The following HYDIN variants were observed in gnomAD, a reference collection of about 807,000 sequenced individuals.
The protein encoded by HYDIN is axonemal central pair apparatus protein HYDIN.
Under a neutral mutation model 403.9 loss-of-function variants are expected in HYDIN, and 132 were observed. The observed-to-expected ratio is 0.33, with a 90% CI of 0.28 to 0.38. The LOEUF is 0.38. Among genes scored for constraint, HYDIN ranks in the 10% least tolerant of loss-of-function variants. The pLI is 1.00. For synonymous variants in HYDIN, 1,202 were observed against 1,891.7 expected (o/e 0.64, Z 9.46); for missense variants, 2,827 against 5,009.5 (o/e 0.56, Z 13.15).
intron 1 of HYDIN, among the ~76,000 whole-genome samples, chr16:71,225,500 A>G (rs551995939): frequency 6.6e-6 from 1 of 152,348 alleles, no homozygotes; most frequent in African/African-American, 2.4e-5. Context: ...CCACTCTGGC[A>G]TTTAGTCTTT....
At chr16:71,064,560 G>T (rs1449694172) in intron 16 of HYDIN, 145 bp downstream of exon 16, 2 of 706,092 alleles carry the variant, frequency 2.8e-6, no homozygotes, top group African/African-American at 1.8e-5. Flanking sequence ...TTTATAACCC[G>T]ATCCTTAGAC....
chr16:70,861,257 C>T (rs2039397861), intron 69 of HYDIN, among the ~76,000 whole-genome samples: 1 of 152,166 alleles, frequency 6.6e-6, no homozygotes, highest in South Asian at 2.1e-4. Context: ...ATCCTGAGCT[C>T]CTCGGAAAAG....
intron 78 of HYDIN, among the ~76,000 whole-genome samples, chr16:70,834,954 A>C (rs1244771436): frequency 6.9e-6 from 1 of 144,634 alleles, no homozygotes; most frequent in African/African-American, 2.7e-5. Flanking sequence ...ATATATGTAT[A>C]TATATACACA....
rs772845454 is a variant in HYDIN at position 70,857,861 on chromosome 16, G to T, written c.12139C>A (p.Gln4047Lys). Residue 4047 changes from glutamine to lysine, a missense_variant, in exon 72 of 86, where the codon CAG (glutamine) becomes AAG (lysine). Gln to Lys is a moderately conservative substitution (Grantham distance 53). Coordinates refer to ENST00000393567, the MANE Select transcript of HYDIN (RefSeq NM_001270974.2). ...ATGCCCAGATGGAAAGGTGTGAACTGGAACACGATCTAACAAGACAATTTG... is the reference window on the plus strand; with the variant it reads ...ATGCCCAGATGGAAAGGTGTGAACTTGAACACGATCTAACAAGACAATTTG... ...HPEKKAEIVFQFTPFHLGITE... is the reference protein window; with the variant it reads ...HPEKKAEIVFKFTPFHLGITE... 6.2e-7 allele frequency: 1 copy of T among 1,613,338 alleles called. No homozygotes were observed. Among genetic ancestry groups the T allele is most frequent in the Non-Finnish European group, 8.5e-7 (1 of 1,179,794 alleles).
chr16:70,872,020 G>T lies in HYDIN; in HGVS notation c.11091+17C>A. On this transcript the variant is annotated intron_variant, in intron 65 of 85. Transcript: ENST00000393567. ...GGACTAAGGGATTCCAAAAAATGATGAATGACTTTTATTTACCTGTGGGGA... is the reference window on the plus strand; with the variant it reads ...GGACTAAGGGATTCCAAAAAATGATTAATGACTTTTATTTACCTGTGGGGA... 1 of 1,609,232 alleles carries T rather than the reference G, an allele frequency of 6.2e-7. No homozygotes were observed. Among genetic ancestry groups the T allele is most frequent in the African/African-American group, 1.3e-5 (1 of 74,812 alleles).
At chr16:71,068,536 G>C (rs1236034506) in intron 14 of HYDIN, among the ~76,000 whole-genome samples, 4 of 151,250 alleles carry the variant, frequency 2.6e-5, no homozygotes, top group Non-Finnish European at 5.9e-5. Flanking sequence ...GGTTTTGGCA[G>C]AAGGCTGCTA....
chr16:71,228,856 CAT>C (rs1317209996), intron 1 of HYDIN, among the ~76,000 whole-genome samples: 7 of 152,136 alleles, frequency 4.6e-5, no homozygotes, highest in African/African-American at 9.7e-5. Flanking sequence ...CACATGCACA[CAT>C]ATGTTTATTG....
chr16:71,191,417 G>A (rs975025741), intron 1 of HYDIN, among the ~76,000 whole-genome samples: 2 of 151,996 alleles, frequency 1.3e-5, no homozygotes, highest in East Asian at 1.9e-4. Flanking sequence ...GCGTGTTTGC[G>A]TTTACCTAGG....
chr16:70,891,432 G>T (rs900486020), intron 57 of HYDIN, among the ~76,000 whole-genome samples: 1 of 152,218 alleles, frequency 6.6e-6, no homozygotes, highest in Non-Finnish European at 1.5e-5. Context: ...CAGGTGATCT[G>T]CCCGCCTTGG....
intron 39 of HYDIN, among the ~76,000 whole-genome samples, chr16:70,958,132 G>A (rs2078299082): frequency 6.6e-6 from 1 of 151,890 alleles, no homozygotes; most frequent in Non-Finnish European, 1.5e-5. Context: ...CCCTCTCTGA[G>A]GTCAGCAATT....
intron 6 of HYDIN, among the ~76,000 whole-genome samples, chr16:71,159,825 A>AG (rs60243931): frequency 6.6e-6 from 1 of 152,154 alleles, no homozygotes; most frequent in Non-Finnish European, 1.5e-5. Context: ...GTGAAAAAAA[A>AG]TATCTTCCAA....
chr16:71,161,309 G>A (rs1340815932), intron 6 of HYDIN, among the ~76,000 whole-genome samples: 1 of 152,184 alleles, frequency 6.6e-6, no homozygotes, highest in African/African-American at 2.4e-5. Flanking sequence ...GTGATGGGGA[G>A]CAGCTGTAAA....
At chr16:70,839,908 T>C (rs547311629) in intron 76 of HYDIN, among the ~76,000 whole-genome samples, 156 bp downstream of exon 76, 1 of 148,806 alleles carries the variant, frequency 6.7e-6, no homozygotes, top group African/African-American at 2.5e-5. Context: ...GTGTTAGTTA[T>C]GGGGACAGGG....
chr16:71,072,553 A>G (rs986321841), intron 13 of HYDIN, among the ~76,000 whole-genome samples: 60 of 150,088 alleles, frequency 4.0e-4, no homozygotes, highest in Non-Finnish European at 8.2e-4. Context: ...AAAATTTCAC[A>G]ATCTTTGGGA....
intron 41 of HYDIN, among the ~76,000 whole-genome samples, chr16:70,947,860 T>C (rs886418207): frequency 8.7e-5 from 13 of 150,276 alleles, no homozygotes; most frequent in Non-Finnish European, 1.5e-4. Context: ...AGAATCAATA[T>C]CGTGAAAATG....
At chr16:71,097,877 CT>C (rs1488917516) in intron 10 of HYDIN, among the ~76,000 whole-genome samples, 1 of 152,014 alleles carries the variant, frequency 6.6e-6, no homozygotes, top group Admixed American at 6.6e-5. Flanking sequence ...AGTGATATTT[CT>C]AATTCATTAT....
intron 4 of HYDIN, 59 bp from the exon 5 acceptor site, chr16:71,175,800 G>C: frequency 1.3e-6 from 2 of 1,568,600 alleles, no homozygotes; most frequent in Non-Finnish European, 1.8e-6. Context: ...GTTAAACACA[G>C]ACTGAAATCC....
intron 47 of HYDIN, among the ~76,000 whole-genome samples, chr16:70,916,444 G>A (rs565623237): frequency 1.4e-4 from 21 of 152,088 alleles, no homozygotes; most frequent in East Asian, 3.9e-4. Flanking sequence ...ATCCAGGGGC[G>A]GAGGATCTTC....
intron 10 of HYDIN, among the ~76,000 whole-genome samples, chr16:71,114,462 C>CT (rs1453489215): frequency 6.6e-6 from 1 of 151,880 alleles, no homozygotes; most frequent in African/African-American, 2.4e-5. Context: ...CCAGGCTCAT[C>CT]TTATTCTTTC....
Sources: allele counts gnomAD v4.1 joint callset (sites outside exome capture counted in the v4.1 genomes callset), GRCh38; gene constraint gnomAD v4.1.1; transcripts MANE v1.5; gene names NCBI Gene and HGNC (gene_info 2026-07-23, HGNC 2026-07-21).